Variants in ELAC2 observed in about 807,000 individuals in gnomAD.
ELAC2 encodes zinc phosphodiesterase ELAC protein 2.
A neutral mutation model predicts 105.2 loss-of-function variants in ELAC2; 92 were observed. The ratio of observed to expected loss-of-function variants is 0.87; its 90% confidence interval spans 0.74 to 1.04. The LOEUF is 1.04. ELAC2 is among the 50% of genes least tolerant of loss of function. ELAC2 has a pLI of 0.00. For synonymous variants in ELAC2, 468 were observed against 409.1 expected, an observed-to-expected ratio of 1.14 and a Z score of -1.74; for missense variants, 1,099 against 1,071.7, an observed-to-expected ratio of 1.03 and a Z score of -0.36.
Position 12,994,853 on chromosome 17 carries a change from T to C in ELAC2, c.1940A>G (p.His647Arg), listed in dbSNP as rs1343793177. 3.1e-6 allele frequency: 5 copies of C among 1,613,970 alleles called. No individual in the cohort carries two copies. The highest frequency in any genetic ancestry group is 1.7e-5 in the Admixed American group (1 of 60,000). ...GTGCACCAGCGCACAGCCAAACGCA[T>C]GCTTGCAGTGCCGCACCAGACAGGT... is the stretch of plus-strand genomic sequence containing the variant. ...FQTCLVRHCK[H>R]AFGCALVHTS... is the part of the protein sequence containing the mutation. Residue 647 changes from histidine to arginine, a missense_variant, in exon 21 of 24, where the codon CAT becomes CGT. Physicochemically the swap from His to Arg is conservative, Grantham distance 29. Coordinates refer to ENST00000338034, the MANE Select transcript of ELAC2 (RefSeq NM_018127.7).
In ELAC2 at chr17:13,002,287, T is replaced by C. The variant is rs1373530175; in HGVS notation, c.1291A>G (p.Arg431Gly). 6.2e-7 allele frequency: 1 copy of C among 1,614,050 alleles called. No individual in the cohort carries two copies. Among genetic ancestry groups the C allele is most frequent in the Non-Finnish European group, 8.5e-7 (1 of 1,180,050 alleles). Residue 431 changes from arginine to glycine, a missense_variant, in exon 14 of 24, where the codon AGG becomes GGG. By Grantham distance (125) the Arg-to-Gly change is moderately radical (BLOSUM62 -2). Coordinates refer to ENST00000338034, the MANE Select transcript of ELAC2 (RefSeq NM_018127.7). ...GATGGCACAGACCTCTGCCACTCCC[T>C]CCTGGGACGGAGCTGGTACTTGAGG... is the stretch of plus-strand genomic sequence containing the variant. ...CLLKYQLRPR[R>G]EWQRDAIITC...
chr17:13,013,391 C>G, intron 5 of ELAC2, 116 bp from the exon 6 acceptor site: 1 of 1,130,774 alleles, frequency 8.8e-7, no homozygotes, highest in Admixed American at 2.0e-5. Flanking sequence ...TGGTGGGAAT[C>G]TGACACGAAA....
At position 13,014,518 on chromosome 17, in the gene ELAC2, A is replaced by C. The variant is rs377474522; in HGVS notation, c.433-22T>G. The C allele has an allele frequency of 1.9e-6, 3 of 1,585,354 alleles. No homozygotes were observed. In the African/African-American group the frequency reaches 4.0e-5, roughly 21 times the overall value. ...TTTCCTAATGAAAAACAAAGAAATGAGCAGTTATGGTTGAACAAATGTAGA... is the reference window on the plus strand; with the variant it reads ...TTTCCTAATGAAAAACAAAGAAATGCGCAGTTATGGTTGAACAAATGTAGA... On this transcript the variant is annotated intron_variant, in intron 4 of 23. Transcript: ENST00000338034.
chr17:13,002,236 C>G (rs997658974), intron 14 of ELAC2, 38 bp downstream of exon 14: 7 of 1,608,770 alleles, frequency 4.4e-6, no homozygotes, highest in Non-Finnish European at 6.0e-6. Flanking sequence ...TTTCCCAACT[C>G]GACTGAGACG....
At chr17:12,997,455 C>T (rs1466932190) in intron 16 of ELAC2, among the ~76,000 whole-genome samples, 4 of 152,094 alleles carry the variant, frequency 2.6e-5, no homozygotes, top group Non-Finnish European at 4.4e-5. Flanking sequence ...AAAAAGGAGT[C>T]GGGAGGCGGA....
At chr17:13,000,019 A>G in intron 15 of ELAC2, 137 bp downstream of exon 15, 1 of 759,640 alleles carries the variant, frequency 1.3e-6, no homozygotes, top group Non-Finnish European at 2.2e-6. Context: ...TCTAATGTAG[A>G]GCTGAGTAGA....
rs2143557076 is a variant in ELAC2 at position 12,995,048 on chromosome 17, T to C, written c.1823A>G (p.Lys608Arg). The C allele has an allele frequency of 3.7e-6, 6 of 1,614,182 alleles. No homozygotes were observed. Among genetic ancestry groups the C allele is most frequent in the Non-Finnish European group, 5.1e-6 (6 of 1,180,016 alleles). Residue 608 changes from lysine to arginine, a missense_variant, in exon 20 of 24, where the codon AAA becomes AGA. Lys to Arg is a conservative substitution (Grantham distance 26, BLOSUM62 2). Coordinates refer to ENST00000338034, the MANE Select transcript of ELAC2 (RefSeq NM_018127.7). ...GATCTCAGCCCCTTCCTGAAGGCAT[T>C]TGGCAGGAATCATACTGTAAAAAGA... ...VLHHISMIPA[K>R]CLQEGAEISS...
chr17:12,992,925 C>T lies in ELAC2; in HGVS notation c.2374G>A (p.Ala792Thr), dbSNP rs1567738119. Residue 792 changes from alanine to threonine, a missense_variant, in exon 24 of 24, where the codon GCG (alanine) becomes ACG (threonine). Physicochemically the swap from Ala to Thr is moderately conservative, Grantham distance 58 (BLOSUM62 0). Coordinates refer to ENST00000338034, the MANE Select transcript of ELAC2 (RefSeq NM_018127.7). ...REKRELRQVR[A>T]ALLSRELAGG... Reference sequence around the variant, plus strand: ...GCCAGCTCCCTGGACAGGAGGGCCGCCCGCACCTGCCGCAGCTCCCGCTTC... The same window carrying T: ...GCCAGCTCCCTGGACAGGAGGGCCGTCCGCACCTGCCGCAGCTCCCGCTTC... 2 of 1,611,368 alleles carry T rather than the reference C, an allele frequency of 1.2e-6. No individual in the cohort carries two copies. Among genetic ancestry groups the T allele is most frequent in the Admixed American group, 1.7e-5 (1 of 60,030 alleles).
intron 23 of ELAC2, 40 bp downstream of exon 23, chr17:12,993,647 G>A (rs1598192498): frequency 2.5e-6 from 4 of 1,613,548 alleles, no homozygotes; most frequent in African/African-American, 1.3e-5. Context: ...CTGTCTCCCT[G>A]CCCCGTCCCC....
chr17:13,002,851 C>T (rs1028759556), intron 12 of ELAC2: 1 of 510,498 alleles, frequency 2.0e-6, no homozygotes, highest in Non-Finnish European at 3.6e-6. Flanking sequence ...ATAGGGGACC[C>T]AAACCCTGAG....
intron 23 of ELAC2, 52 bp from the exon 24 acceptor site, chr17:12,993,097 G>A (rs2040275011): frequency 6.4e-7 from 1 of 1,569,684 alleles, no homozygotes; most frequent in Non-Finnish European, 8.7e-7. Flanking sequence ...CAGGGGTGGG[G>A]GACAGGAGCT....
chr17:12,993,651 C>G (rs748297905), intron 23 of ELAC2, 36 bp downstream of exon 23: 1 of 1,613,574 alleles, frequency 6.2e-7, no homozygotes, highest in Admixed American at 1.7e-5. Context: ...CTCCCTGCCC[C>G]GTCCCCGCCC....
Position 12,992,786 on chromosome 17 carries a change from A to G in ELAC2, c.*32T>C, listed in dbSNP as rs892274034. On this transcript the variant is annotated 3_prime_UTR_variant, in exon 24 of 24. Coordinates refer to ENST00000338034, the MANE Select transcript of ELAC2 (RefSeq NM_018127.7). ...GGTGCGTGCGTGGGGCAGAAGACAC[A>G]CAGCCTTCTGAGTTCAGGGTCTCCC... 3.1e-6 allele frequency: 5 copies of G among 1,607,320 alleles called. No homozygotes were observed. The Admixed American group carries it at 5.0e-5, about 16-fold the overall frequency.
chr17:12,997,050 C>T (rs1300642598), intron 16 of ELAC2, among the ~76,000 whole-genome samples: 4 of 152,044 alleles, frequency 2.6e-5, no homozygotes, highest in Non-Finnish European at 5.9e-5. Flanking sequence ...AATACCAGGA[C>T]AGGCACTGGG....
chr17:13,009,563 C>T (rs111511961), intron 8 of ELAC2, among the ~76,000 whole-genome samples: 33 of 152,192 alleles, frequency 2.2e-4, no homozygotes, highest in African/African-American at 7.7e-4. Context: ...TAGACCTTAG[C>T]TATTGCAGGG....
At chr17:13,010,160 G>C (rs1207706717) in intron 8 of ELAC2, among the ~76,000 whole-genome samples, 1 of 149,866 alleles carries the variant, frequency 6.7e-6, no homozygotes, top group South Asian at 2.1e-4. Flanking sequence ...CTCATTGCCA[G>C]TGTCATTTCT....
At chr17:13,006,381 T>TA (rs1346835429) in intron 8 of ELAC2, 9 of 225,460 alleles carry the variant, frequency 4.0e-5, no homozygotes, top group African/African-American at 2.2e-4. Context: ...AAAAAAAAAA[T>TA]AAAAAATAAA....
intron 15 of ELAC2, 134 bp downstream of exon 15, chr17:13,000,022 T>C: frequency 2.6e-6 from 2 of 776,610 alleles, no homozygotes; most frequent in Non-Finnish European, 4.4e-6. Context: ...AATGTAGAGC[T>C]GAGTAGAGAA....
chr17:13,014,973 A>G (rs929522954), intron 4 of ELAC2, among the ~76,000 whole-genome samples: 15 of 152,242 alleles, frequency 9.9e-5, no homozygotes, highest in African/African-American at 3.1e-4. Flanking sequence ...CATAAGAGTC[A>G]GCCCATGCAG....
Sources: allele counts gnomAD v4.1 joint callset (sites outside exome capture counted in the v4.1 genomes callset), GRCh38; gene constraint gnomAD v4.1.1; transcripts MANE v1.5; gene names NCBI Gene and HGNC (gene_info 2026-07-23, HGNC 2026-07-21).